PRCP: variants seen among roughly 807,000 people sequenced by gnomAD.
PRCP encodes lysosomal Pro-X carboxypeptidase.
A neutral mutation model predicts 54.2 loss-of-function variants in PRCP; 46 were observed. The ratio of observed to expected loss-of-function variants is 0.85; its 90% CI spans 0.67 to 1.09. The LOEUF is 1.09. Among genes scored for constraint, PRCP ranks in the 50% least tolerant of loss-of-function variants. The pLI, the probability that PRCP is intolerant of heterozygous loss-of-function variation, is 0.00. For synonymous variants in PRCP, 240 were observed against 212.2 expected, an observed-to-expected ratio of 1.13 and a Z score of -1.14; for missense variants, 613 against 596.8, an observed-to-expected ratio of 1.03 and a Z score of -0.28.
At chr11:82,898,330 G>T (rs1402949507) in intron 1 of PRCP, among the ~76,000 whole-genome samples, 1 of 152,202 alleles carries the variant, frequency 6.6e-6, no homozygotes, top group Non-Finnish European at 1.5e-5. Flanking sequence ...TATTTCTAAG[G>T]AGTGTAGTGG....
At chr11:82,865,673 A>C (rs1445247455) in intron 1 of PRCP, among the ~76,000 whole-genome samples, 1 of 152,198 alleles carries the variant, frequency 6.6e-6, no homozygotes, top group Non-Finnish European at 1.5e-5. Flanking sequence ...ACCTTAAAGG[A>C]GTTTTTCATG....
At chr11:82,874,690 C>CAAAAAAAA (rs36084037) in intron 1 of PRCP, among the ~76,000 whole-genome samples, 6 of 68,816 alleles carry the variant, frequency 8.7e-5, no homozygotes, top group Admixed American at 1.6e-4. Flanking sequence ...GACCCTGTCT[C>CAAAAAAAA]AAAAAAAAAA....
chr11:82,887,752 C>T (rs1049793671), intron 1 of PRCP, among the ~76,000 whole-genome samples: 1 of 152,162 alleles, frequency 6.6e-6, no homozygotes, highest in African/African-American at 2.4e-5. Flanking sequence ...CCCTTCCTTT[C>T]TGTATAGGAG....
chr11:82,862,766 T>C (rs1007860002), intron 1 of PRCP, among the ~76,000 whole-genome samples: 2 of 152,214 alleles, frequency 1.3e-5, no homozygotes, highest in African/African-American at 4.8e-5. Context: ...ACGAGGTATG[T>C]AATAATGATG....
At chr11:82,834,350 A>G (rs917147164) in intron 8 of PRCP, among the ~76,000 whole-genome samples, 3 of 152,248 alleles carry the variant, frequency 2.0e-5, no homozygotes, top group African/African-American at 7.2e-5. Context: ...TTCAAATACC[A>G]TAAATTTGGC....
intron 3 of PRCP, 63 bp downstream of exon 3, chr11:82,853,114 T>C: frequency 7.9e-7 from 1 of 1,263,290 alleles, no homozygotes; most frequent in Non-Finnish European, 1.1e-6. Flanking sequence ...GGGCATATAA[T>C]TTAGAAACTA....
chr11:82,872,141 G>GGTAT (rs1427625063), intron 1 of PRCP, among the ~76,000 whole-genome samples: 13 of 152,162 alleles, frequency 8.5e-5, no homozygotes, highest in Non-Finnish European at 1.9e-4. Flanking sequence ...CTTTATCACA[G>GGTAT]GTATGTATGT....
chr11:82,847,541 A>T (rs1858836760), intron 6 of PRCP, among the ~76,000 whole-genome samples: 1 of 152,212 alleles, frequency 6.6e-6, no homozygotes, highest in South Asian at 2.1e-4. Flanking sequence ...TAGCACATAG[A>T]TGTTTATGGA....
At chr11:82,869,012 G>C (rs1859410196) in intron 1 of PRCP, among the ~76,000 whole-genome samples, 1 of 151,896 alleles carries the variant, frequency 6.6e-6, no homozygotes, top group Non-Finnish European at 1.5e-5. Context: ...TTCCCACCTG[G>C]GTGACAGAGC....
intron 1 of PRCP, among the ~76,000 whole-genome samples, chr11:82,879,405 T>C (rs915275825): frequency 6.6e-6 from 1 of 152,238 alleles, no homozygotes; most frequent in Non-Finnish European, 1.5e-5. Context: ...TTCTCTATGC[T>C]GTTTATTCTA....
intron 6 of PRCP, 89 bp from the exon 7 acceptor site, chr11:82,839,514 A>G: frequency 7.3e-7 from 1 of 1,365,066 alleles, no homozygotes; most frequent in South Asian, 1.3e-5. Flanking sequence ...TATGATTTTG[A>G]TCTGATCATA....
At position 82,824,929 on chromosome 11, in the gene PRCP, C is replaced by T; in HGVS notation, c.1468G>A (p.Asp490Asn). ...TCTCAGTGCTGCTTTCCCGCACTGT[C>T]ATAGAAATCTCTGATCCAATTCTTC... ...HMKNWIRDFY[D>N]SAGKQH Residue 490 changes from aspartate (D) to asparagine (N), a missense_variant, in exon 9 of 9, where the codon GAC becomes AAC. Physicochemically the swap from Asp to Asn is conservative, Grantham distance 23 (BLOSUM62 1). Transcript: ENST00000313010. The T allele has an allele frequency of 6.2e-7, 1 of 1,614,060 alleles. No homozygotes were observed. The highest frequency in any genetic ancestry group is 8.5e-7 in the Non-Finnish European group (1 of 1,179,972).
At chr11:82,887,596 T>C (rs1415867724) in intron 1 of PRCP, among the ~76,000 whole-genome samples, 4 of 152,208 alleles carry the variant, frequency 2.6e-5, no homozygotes, top group Admixed American at 1.3e-4. Context: ...TGAAGAACAC[T>C]GGAAGAGTCT....
intron 6 of PRCP, among the ~76,000 whole-genome samples, chr11:82,847,825 C>G (rs1858844235): frequency 6.6e-6 from 1 of 152,138 alleles, no homozygotes; most frequent in Non-Finnish European, 1.5e-5. Context: ...AACTTCTAGC[C>G]TCAAGCAATC....
At position 82,835,673 on chromosome 11, in the gene PRCP, G is replaced by A. The variant is rs77093275; in HGVS notation, c.1274+2714C>T. ...CGATGTAGAAGCTGATGAAGACGAC[G>A]GTAGGAAAAAAGACATTTCTGATGT... On this transcript the variant is annotated intron_variant, in intron 8 of 8. Coordinates refer to ENST00000313010, the MANE Select transcript of PRCP (RefSeq NM_005040.4). 6.4e-3 allele frequency: 1,997 copies of A among 310,540 alleles called. 24 individuals carry two copies. The highest frequency in any genetic ancestry group is 0.036 in the African/African-American group (1,632 of 45,022). 19.2% of individuals were successfully genotyped at this position (310,540 alleles called of 1,614,324 possible). A position where few individuals can be genotyped will look rare whatever the true frequency, so the allele number is the denominator to read the frequency against.
chr11:82,887,873 C>T (rs1859902156), intron 1 of PRCP, among the ~76,000 whole-genome samples: 1 of 152,150 alleles, frequency 6.6e-6, no homozygotes, highest in East Asian at 1.9e-4. Flanking sequence ...CACACAGAGA[C>T]CAAGAAGAAT....
At chr11:82,894,396 A>G (rs1328692926) in intron 1 of PRCP, among the ~76,000 whole-genome samples, 1 of 152,220 alleles carries the variant, frequency 6.6e-6, no homozygotes, top group Non-Finnish European at 1.5e-5. Flanking sequence ...CCAATTCATC[A>G]AAGGCAATTA....
At chr11:82,842,479 T>C (rs1253696685) in intron 6 of PRCP, among the ~76,000 whole-genome samples, 1 of 152,064 alleles carries the variant, frequency 6.6e-6, no homozygotes, top group African/African-American at 2.4e-5. Context: ...CATTAGAAAA[T>C]CTAGAAGAGA....
intron 3 of PRCP, among the ~76,000 whole-genome samples, chr11:82,850,816 T>C (rs774421495): frequency 2.6e-4 from 40 of 152,332 alleles, no homozygotes; most frequent in Non-Finnish European, 4.6e-4. Flanking sequence ...ATAACTGTTA[T>C]AACTTTTGTT....
Sources: allele counts gnomAD v4.1 joint callset (sites outside exome capture counted in the v4.1 genomes callset), GRCh38; gene constraint gnomAD v4.1.1; transcripts MANE v1.5; gene names NCBI Gene and HGNC (gene_info 2026-07-23, HGNC 2026-07-21).